Variants in FRS2 observed in about 807,000 individuals in gnomAD.
FRS2 encodes fibroblast growth factor receptor substrate 2, also known as FGFR signalling adaptor.
In FRS2, 8 loss-of-function variants were observed where a neutral mutation model predicts 43.9. That is an observed-to-expected ratio of 0.18 (90% CI 0.11 to 0.33). The LOEUF is 0.33. Among genes scored for constraint, FRS2 ranks in the 10% least tolerant of loss-of-function variants. FRS2 has a pLI of 1.00. For missense variants in FRS2, 534 were observed against 627.6 expected, an observed-to-expected ratio of 0.85 and a Z score of 1.59; for synonymous variants, 219 against 220.3, an observed-to-expected ratio of 0.99 and a Z score of 0.05.
At chr12:69,567,611 C>G (rs958673708) in intron 4 of FRS2, among the ~76,000 whole-genome samples, 1 of 152,130 alleles carries the variant, frequency 6.6e-6, no homozygotes, top group Non-Finnish European at 1.5e-5. Flanking sequence ...CTAGGAAGCC[C>G]AGGGTGCTTT....
chr12:69,541,003 C>A (rs1315771919), intron 3 of FRS2, among the ~76,000 whole-genome samples: 1 of 152,074 alleles, frequency 6.6e-6, no homozygotes, highest in African/African-American at 2.4e-5. Flanking sequence ...CAAGAAAAAT[C>A]TGAAAAACCA....
chr12:69,479,541 G>A (rs535092115), intron 1 of FRS2, among the ~76,000 whole-genome samples: 1 of 152,022 alleles, frequency 6.6e-6, no homozygotes, highest in East Asian at 1.9e-4. Context: ...GGGATTACAG[G>A]TGTGTACCAC....
chr12:69,484,060 A>G (rs1003810762), intron 1 of FRS2, among the ~76,000 whole-genome samples: 2 of 152,016 alleles, frequency 1.3e-5, no homozygotes, highest in Non-Finnish European at 2.9e-5. Context: ...AAAAAATGTG[A>G]TATTACTTTT....
intron 1 of FRS2, among the ~76,000 whole-genome samples, chr12:69,498,804 G>T (rs1277654262): frequency 6.6e-6 from 1 of 152,134 alleles, no homozygotes; most frequent in Non-Finnish European, 1.5e-5. Flanking sequence ...ATAAAGTCAG[G>T]TGTATTTGTG....
chr12:69,504,742 A>G (rs985723585), intron 1 of FRS2, among the ~76,000 whole-genome samples: 3 of 152,200 alleles, frequency 2.0e-5, no homozygotes, highest in Non-Finnish European at 4.4e-5. Context: ...TTCTTTCTCA[A>G]AGTAGAATTA....
chr12:69,516,026 A>G (rs536601271), intron 1 of FRS2, among the ~76,000 whole-genome samples: 116 of 152,110 alleles, frequency 7.6e-4, no homozygotes, highest in African/African-American at 2.6e-3. Context: ...TGTGATGTCA[A>G]TTAAGCTGGA....
chr12:69,571,968 A>G (rs1880800345), intron 7 of FRS2, 150 bp from the exon 8 acceptor site: 2 of 541,270 alleles, frequency 3.7e-6, no homozygotes, highest in Admixed American at 3.5e-5. Context: ...TAGGTAAAAT[A>G]TGGAGTTGGG....
chr12:69,502,952 A>G (rs1873592334), intron 1 of FRS2, among the ~76,000 whole-genome samples: 1 of 152,176 alleles, frequency 6.6e-6, no homozygotes. Flanking sequence ...TTGCTACATA[A>G]CAAATTACCA....
intron 1 of FRS2, among the ~76,000 whole-genome samples, chr12:69,485,119 A>G (rs921665709): frequency 1.3e-5 from 2 of 148,370 alleles, no homozygotes; most frequent in African/African-American, 5.1e-5. Context: ...ACACACACAC[A>G]CACACACACA....
intron 1 of FRS2, among the ~76,000 whole-genome samples, chr12:69,477,627 T>G (rs1443383226): frequency 6.6e-6 from 1 of 151,248 alleles, no homozygotes; most frequent in East Asian, 1.9e-4. Context: ...GAGAGTGCAG[T>G]GTTCATCCTG....
At chr12:69,485,339 C>T (rs1000426028) in intron 1 of FRS2, among the ~76,000 whole-genome samples, 6 of 151,578 alleles carry the variant, frequency 4.0e-5, no homozygotes, top group Admixed American at 2.0e-4. Context: ...CCCGACACCA[C>T]GCCTGGCTAA....
intron 1 of FRS2, among the ~76,000 whole-genome samples, chr12:69,487,260 A>G (rs1872040845): frequency 1.3e-5 from 2 of 152,214 alleles, no homozygotes; most frequent in Admixed American, 6.5e-5. Context: ...TAGGACTTTC[A>G]TAGCTAGAGA....
intron 1 of FRS2, among the ~76,000 whole-genome samples, chr12:69,520,922 G>T (rs1056392066): frequency 6.6e-6 from 1 of 151,940 alleles, no homozygotes; most frequent in African/African-American, 2.4e-5. Flanking sequence ...TGGTTGTTCC[G>T]TATAAATTAA....
chr12:69,552,753 G>A (rs969119780), intron 3 of FRS2, among the ~76,000 whole-genome samples: 3 of 151,888 alleles, frequency 2.0e-5, no homozygotes, highest in East Asian at 1.9e-4. Context: ...TTAGCTGGGC[G>A]TGGTGGCGCA....
At chr12:69,564,691 T>C (rs965061667) in intron 4 of FRS2, among the ~76,000 whole-genome samples, 1 of 152,230 alleles carries the variant, frequency 6.6e-6, no homozygotes, top group African/African-American at 2.4e-5. Context: ...TAGGTTTTTA[T>C]CATATTTCAT....
chr12:69,566,777 C>T (rs550893686), intron 4 of FRS2, among the ~76,000 whole-genome samples: 1 of 152,250 alleles, frequency 6.6e-6, no homozygotes, highest in East Asian at 1.9e-4. Context: ...AGAGTTATGC[C>T]ATTCTATTGT....
chr12:69,511,357 A>G (rs191067225), intron 1 of FRS2, among the ~76,000 whole-genome samples: 1 of 152,282 alleles, frequency 6.6e-6, no homozygotes, highest in East Asian at 1.9e-4. Flanking sequence ...TCATCATTTC[A>G]GTAGTAATAA....
intron 3 of FRS2, among the ~76,000 whole-genome samples, chr12:69,558,372 G>A (rs1486446802): frequency 6.6e-6 from 1 of 152,178 alleles, no homozygotes; most frequent in African/African-American, 2.4e-5. Context: ...GACATTAGTG[G>A]TTTATGTAAG....
chr12:69,544,948 G>A (rs534424622), intron 3 of FRS2, among the ~76,000 whole-genome samples: 1 of 152,206 alleles, frequency 6.6e-6, no homozygotes, highest in Non-Finnish European at 1.5e-5. Flanking sequence ...AAGAAGTAAA[G>A]TGGTCTCTGT....
Sources: allele counts gnomAD v4.1 joint callset (sites outside exome capture counted in the v4.1 genomes callset), GRCh38; gene constraint gnomAD v4.1.1; transcripts MANE v1.5; gene names NCBI Gene and HGNC (gene_info 2026-07-23, HGNC 2026-07-21).